The following CRACD variants were observed in gnomAD, a reference collection of about 807,000 sequenced individuals.
CRACD encodes capping protein inhibiting regulator of actin dynamics.
In CRACD, 56 loss-of-function variants were observed where a neutral mutation model predicts 106.8. That is an observed-to-expected ratio of 0.52 (90% CI 0.42 to 0.66). The LOEUF (loss-of-function observed/expected upper bound fraction) is 0.66, where lower values mean the gene tolerates loss of function less well. Among genes scored for constraint, CRACD ranks in the 30% least tolerant of loss-of-function variants. The pLI is 0.00. For missense variants in CRACD, 1,730 were observed against 1,623.2 expected (o/e 1.07, Z -1.13); for synonymous variants, 754 against 670.8 (o/e 1.12, Z -1.92).
At chr4:56,208,805 A>G (rs552990796) in intron 2 of CRACD, among the ~76,000 whole-genome samples, 1 of 152,332 alleles carries the variant, frequency 6.6e-6, no homozygotes, top group South Asian at 2.1e-4. Flanking sequence ...GGTTTAAAAC[A>G]CTTGATCAAA....
At chr4:56,287,421 T>G (rs1743435920) in intron 3 of CRACD, among the ~76,000 whole-genome samples, 1 of 152,154 alleles carries the variant, frequency 6.6e-6, no homozygotes, top group Admixed American at 6.5e-5. Flanking sequence ...TAGCTGGGAT[T>G]ACAGGCGTGA....
At chr4:56,323,247 T>TGCC in intron 8 of CRACD, 130 bp from the exon 9 acceptor site, 1 of 699,262 alleles carries the variant, frequency 1.4e-6, no homozygotes, top group South Asian at 2.2e-5. Flanking sequence ...AGCACAGAGG[T>TGCC]TGTGCTAGGA....
chr4:56,229,420 C>T (rs746233296), intron 2 of CRACD, among the ~76,000 whole-genome samples: 14 of 152,180 alleles, frequency 9.2e-5, no homozygotes, highest in African/African-American at 1.2e-4. Flanking sequence ...ACAGGGCTTT[C>T]GCCAGACACT....
At chr4:56,254,874 G>T (rs942233927) in intron 2 of CRACD, among the ~76,000 whole-genome samples, 1 of 132,060 alleles carries the variant, frequency 7.6e-6, no homozygotes, top group African/African-American at 2.7e-5. Flanking sequence ...GGAGGCTGAG[G>T]TGGGCGGATC....
At chr4:56,101,469 A>T (rs891333442) in intron 1 of CRACD, among the ~76,000 whole-genome samples, 7 of 152,134 alleles carry the variant, frequency 4.6e-5, no homozygotes, top group Admixed American at 3.3e-4. Context: ...TTTTATTAAA[A>T]ATGAATGTGT....
chr4:56,218,683 T>C (rs1007297594), intron 2 of CRACD, among the ~76,000 whole-genome samples: 6 of 147,906 alleles, frequency 4.1e-5, no homozygotes, highest in Non-Finnish European at 7.5e-5. Context: ...TCATAGCTCA[T>C]TGTAACCTCA....
At chr4:56,248,516 C>T (rs1740838149) in intron 2 of CRACD, among the ~76,000 whole-genome samples, 1 of 151,410 alleles carries the variant, frequency 6.6e-6, no homozygotes, top group Admixed American at 6.6e-5. Context: ...TTTGAATGCA[C>T]ATTTTCTTAT....
chr4:56,092,646 A>G (rs938346502), intron 1 of CRACD, among the ~76,000 whole-genome samples: 2 of 152,050 alleles, frequency 1.3e-5, no homozygotes, highest in African/African-American at 4.8e-5. Context: ...TCTGTCGCCC[A>G]GGCTGGAGTG....
At position 56,314,419 on chromosome 4, in the gene CRACD, G is replaced by GGGAGCGGAGGGAGCGGAA; in HGVS notation, c.923_924insGAGGGAGCGGAAGGAGCG (p.Arg308_Glu309insArgGluArgLysGluArg). Reference sequence around the variant, plus strand: ...CCAGGTTGGGAGGACGCGGAGCGGAGGGAGCGTGAGGAGCGCGAGCGCCTG... The same window carrying GGGAGCGGAGGGAGCGGAA: ...CCAGGTTGGGAGGACGCGGAGCGGAGGGAGCGGAGGGAGCGGAAGGAGCGTGAGGAGCGCGAGCGCCTG... On this transcript the variant is annotated inframe_insertion, in exon 8 of 11. Coordinates refer to ENST00000682029, the MANE Select transcript of CRACD (RefSeq NM_001393381.1). The surrounding 1 kb of genome is among the most constrained non-coding windows in gnomAD (Gnocchi z 4.4). The GGGAGCGGAGGGAGCGGAA allele has an allele frequency of 6.5e-7, 1 of 1,544,040 alleles. No homozygotes were observed. The highest frequency in any genetic ancestry group is 8.7e-7 in the Non-Finnish European group (1 of 1,144,066).
chr4:56,130,915 G>C (rs1350882677), intron 1 of CRACD, among the ~76,000 whole-genome samples: 1 of 151,996 alleles, frequency 6.6e-6, no homozygotes, highest in Non-Finnish European at 1.5e-5. Context: ...TTTCAGAAAA[G>C]GGTTAGAGAT....
chr4:56,161,061 T>TA (rs1324085481), intron 1 of CRACD, among the ~76,000 whole-genome samples: 7 of 152,292 alleles, frequency 4.6e-5, no homozygotes, highest in Non-Finnish European at 7.4e-5. Context: ...TTTGTAGTTT[T>TA]AAAAAAACTC....
At chr4:56,223,474 AGTACTTTTATGGTTTCATTTTTAATATT>A (rs1560490259) in intron 2 of CRACD, among the ~76,000 whole-genome samples, 7 of 152,174 alleles carry the variant, frequency 4.6e-5, no homozygotes, top group African/African-American at 1.2e-4. Flanking sequence ...TGGGTCTTCT[AGTACTTTTATGGTTTCATTTTTAATATT>A]TTAGTCTTTG....
Position 56,237,074 on chromosome 4 carries a change from A to G in CRACD, c.-188-35247A>G, listed in dbSNP as rs575838370. On this transcript the variant is annotated intron_variant, in intron 2 of 10. Transcript: ENST00000682029. ...TATAGAAATAAAAGCATCAGTGCCT[A>G]AGATGTATGAACATCTTTATTTATT... Among the ~76,000 whole-genome samples the G allele has an allele frequency of 2.0e-3, 303 of 152,286 alleles. 4 individuals carry two copies. Among genetic ancestry groups the G allele is most frequent in the African/African-American group, 6.4e-3 (264 of 41,554 alleles).
intron 1 of CRACD, among the ~76,000 whole-genome samples, chr4:56,061,602 C>A (rs1290007377): frequency 1.3e-5 from 2 of 151,954 alleles, no homozygotes; most frequent in Non-Finnish European, 2.9e-5. Context: ...AGACAGGATC[C>A]CTGCACCGTG....
chr4:56,200,406 CTG>C (rs1737824552), intron 2 of CRACD, among the ~76,000 whole-genome samples: 1 of 152,138 alleles, frequency 6.6e-6, no homozygotes, highest in South Asian at 2.1e-4. Context: ...AATATTAACA[CTG>C]TTAGTTCTAA....
chr4:56,229,715 A>G (rs1194538486), intron 2 of CRACD, among the ~76,000 whole-genome samples: 1 of 152,200 alleles, frequency 6.6e-6, no homozygotes, highest in Non-Finnish European at 1.5e-5. Context: ...CATTGTAAAC[A>G]TCCTTTCTAA....
At chr4:56,172,505 C>T (rs1736412118) in intron 1 of CRACD, among the ~76,000 whole-genome samples, 1 of 152,184 alleles carries the variant, frequency 6.6e-6, no homozygotes, top group Admixed American at 6.5e-5. Flanking sequence ...TCTTGTTGCC[C>T]AGGCTGCTGT....
At chr4:56,061,894 A>G (rs533770845) in intron 1 of CRACD, among the ~76,000 whole-genome samples, 21 of 152,250 alleles carry the variant, frequency 1.4e-4, no homozygotes, top group Non-Finnish European at 2.6e-4. Context: ...GATTAAAATC[A>G]GTTTCCAAAT....
chr4:56,110,540 C>T (rs1350179345), intron 1 of CRACD, among the ~76,000 whole-genome samples: 1 of 152,010 alleles, frequency 6.6e-6, no homozygotes, highest in Non-Finnish European at 1.5e-5. Context: ...TATTAGGAGT[C>T]TTCAAGGGCC....
Sources: allele counts gnomAD v4.1 joint callset (sites outside exome capture counted in the v4.1 genomes callset), GRCh38; gene constraint gnomAD v4.1.1; non-coding constraint Gnocchi (gnomAD v3.1); transcripts MANE v1.5; gene names NCBI Gene and HGNC (gene_info 2026-07-23, HGNC 2026-07-21).